Variants in TAFA5 observed in about 807,000 individuals in gnomAD.
The protein encoded by TAFA5 is TAFA chemokine like family member 5.
In TAFA5, 6 loss-of-function variants were observed where a neutral mutation model predicts 15.3. That is an observed-to-expected ratio of 0.39 (90% CI 0.21 to 0.77). TAFA5 has a LOEUF of 0.77. TAFA5 is among the 30% of genes least tolerant of loss of function. The probability of loss-of-function intolerance (pLI) is 0.41; values close to 1 mark genes in which losing one functional copy is unlikely to be tolerated. For missense variants in TAFA5, 161 were observed against 193.1 expected (o/e 0.83, Z 0.98); for synonymous variants, 103 against 80.7 (o/e 1.28, Z -1.48).
intron 2 of TAFA5, among the ~76,000 whole-genome samples, chr22:48,675,450 C>T (rs370530086): frequency 9.8e-4 from 150 of 152,340 alleles, no homozygotes; most frequent in African/African-American, 3.3e-3. Flanking sequence ...CAAAGCAGCC[C>T]GGCCCATACA....
chr22:48,525,600 A>G (rs188954910), intron 1 of TAFA5, among the ~76,000 whole-genome samples: 38 of 152,256 alleles, frequency 2.5e-4, no homozygotes, highest in Non-Finnish European at 4.9e-4. Flanking sequence ...TTGAGCATGC[A>G]TCCGAATTCC....
Position 48,546,527 on chromosome 22 carries a change from C to T in TAFA5, c.112+56823C>T, listed in dbSNP as rs111870101. The T allele has an allele frequency of 0.085, 39,909 of 471,006 alleles. 2,109 individuals carry two copies. Among genetic ancestry groups the T allele is most frequent in the Admixed American group, 0.14 (6,152 of 42,560 alleles). 29.2% of individuals were successfully genotyped at this position (471,006 alleles called of 1,614,324 possible). ...GTTTTTCTCACCTGGCTGGGCAGCC[C>T]GCGGCTGTGGGATGAGAGATACGGA... On this transcript the variant is annotated intron_variant, in intron 1 of 3. Transcript: ENST00000402357.
At chr22:48,583,914 A>G (rs528723080) in intron 1 of TAFA5, among the ~76,000 whole-genome samples, 58 of 145,624 alleles carry the variant, frequency 4.0e-4, no homozygotes, top group African/African-American at 1.4e-3. Flanking sequence ...AATAAACCTC[A>G]TACACCACAC....
intron 3 of TAFA5, among the ~76,000 whole-genome samples, chr22:48,718,178 CAG>C (rs1670079641): frequency 6.6e-6 from 1 of 152,180 alleles, no homozygotes; most frequent in Non-Finnish European, 1.5e-5. Context: ...GAGGTGGTAT[CAG>C]GGTGCACCCA....
chr22:48,535,812 A>T (rs1292567964), intron 1 of TAFA5, among the ~76,000 whole-genome samples: 1 of 151,912 alleles, frequency 6.6e-6, no homozygotes. Flanking sequence ...GGGTATATGC[A>T]TATGTGTAGA....
intron 2 of TAFA5, among the ~76,000 whole-genome samples, chr22:48,687,764 C>T (rs1048629193): frequency 6.6e-6 from 1 of 152,166 alleles, no homozygotes; most frequent in African/African-American, 2.4e-5. Context: ...CCTAAGTGCC[C>T]CACCTCTGAG....
chr22:48,675,725 C>T (rs1187686964), intron 2 of TAFA5, among the ~76,000 whole-genome samples: 8 of 152,256 alleles, frequency 5.3e-5, no homozygotes, highest in Admixed American at 3.9e-4. Flanking sequence ...TTCACAGCTG[C>T]CGGGGAGCCC....
chr22:48,508,216 A>G (rs1921077641), intron 1 of TAFA5, among the ~76,000 whole-genome samples: 1 of 152,160 alleles, frequency 6.6e-6, no homozygotes, highest in African/African-American at 2.4e-5. Context: ...CACAGAAGCC[A>G]TGGGCAGCCG....
chr22:48,664,131 G>A lies in TAFA5; in HGVS notation c.262+17385G>A, dbSNP rs1200112667. Among the ~76,000 whole-genome samples, 8 of 152,328 alleles carry A rather than the reference G, an allele frequency of 5.3e-5. No individual in the cohort carries two copies. The East Asian group carries it at 1.3e-3, about 26-fold the overall frequency. ...AAAAGTGCATAGTTAAGATGGAAAAGGCGTTCAGTTTGTGGATGGAATACA... is the reference window on the plus strand; with the variant it reads ...AAAAGTGCATAGTTAAGATGGAAAAAGCGTTCAGTTTGTGGATGGAATACA... On this transcript the variant is annotated intron_variant, in intron 2 of 3. Transcript: ENST00000402357.
chr22:48,622,050 C>G (rs5771796), intron 1 of TAFA5, among the ~76,000 whole-genome samples: 123,981 of 152,094 alleles, frequency 0.82, 50,998 homozygotes, highest in East Asian at 1. Flanking sequence ...TCCAGAACAA[C>G]TTCTCACGGC....
intron 2 of TAFA5, among the ~76,000 whole-genome samples, chr22:48,702,019 C>T (rs1178819964): frequency 6.6e-6 from 1 of 152,130 alleles, no homozygotes; most frequent in East Asian, 1.9e-4. Context: ...TGGAAGGAGC[C>T]AAGCCCTTCT....
chr22:48,629,178 G>T (rs1401895530), intron 1 of TAFA5, among the ~76,000 whole-genome samples: 3 of 152,066 alleles, frequency 2.0e-5, no homozygotes, highest in Non-Finnish European at 4.4e-5. Context: ...TTGAGGGCTG[G>T]GCCTGCTGGG....
At chr22:48,594,361 G>C (rs1419528023) in intron 1 of TAFA5, among the ~76,000 whole-genome samples, 1 of 152,222 alleles carries the variant, frequency 6.6e-6, no homozygotes, top group East Asian at 1.9e-4. Flanking sequence ...AGGGGAAGCT[G>C]TTAGTGCATT....
At chr22:48,673,778 C>T (rs1209255980) in intron 2 of TAFA5, among the ~76,000 whole-genome samples, 3 of 152,182 alleles carry the variant, frequency 2.0e-5, no homozygotes, top group East Asian at 3.9e-4. Flanking sequence ...CTCTGATGTC[C>T]ACTCTGTGGA....
At chr22:48,562,241 C>T (rs976690455) in intron 1 of TAFA5, among the ~76,000 whole-genome samples, 61 of 152,202 alleles carry the variant, frequency 4.0e-4, no homozygotes, top group African/African-American at 1.4e-3. Flanking sequence ...GGGTTCACGC[C>T]ATTCTCCTGC....
At chr22:48,681,418 G>A (rs371447416) in intron 2 of TAFA5, among the ~76,000 whole-genome samples, 2 of 151,738 alleles carry the variant, frequency 1.3e-5, no homozygotes, top group Middle Eastern at 6.8e-3. Flanking sequence ...TGAGGCGGGT[G>A]GATTGCCTGA....
intron 1 of TAFA5, among the ~76,000 whole-genome samples, chr22:48,565,035 T>G (rs1178528191): frequency 6.6e-6 from 1 of 152,236 alleles, no homozygotes; most frequent in East Asian, 1.9e-4. Flanking sequence ...CACTCTGCCT[T>G]CTCATCCCAT....
chr22:48,741,100 C>A (rs532022171), intron 3 of TAFA5, among the ~76,000 whole-genome samples: 2 of 152,330 alleles, frequency 1.3e-5, no homozygotes, highest in South Asian at 4.1e-4. Flanking sequence ...GTGTTCCCAC[C>A]ACCCTGGCTG....
intron 1 of TAFA5, among the ~76,000 whole-genome samples, chr22:48,571,441 A>C (rs1171317550): frequency 4.6e-5 from 7 of 150,820 alleles, no homozygotes; most frequent in Non-Finnish European, 7.4e-5. Flanking sequence ...CGCCCAGCTA[A>C]TTTTTGTATT....
Sources: allele counts gnomAD v4.1 joint callset (sites outside exome capture counted in the v4.1 genomes callset), GRCh38; gene constraint gnomAD v4.1.1; transcripts MANE v1.5; gene names NCBI Gene and HGNC (gene_info 2026-07-23, HGNC 2026-07-21).